ATP11C: variants seen among roughly 807,000 people sequenced by gnomAD.
ATP11C encodes the protein ATPase phospholipid transporting 11C (ATP11C blood group), also known as phospholipid-transporting ATPase IG.
A neutral mutation model predicts 97.4 loss-of-function variants in ATP11C; 36 were observed. The ratio of observed to expected loss-of-function variants is 0.37; its 90% CI spans 0.28 to 0.49. The LOEUF (loss-of-function observed/expected upper bound fraction) is 0.49, where lower values mean the gene tolerates loss of function less well. Ranked by LOEUF, ATP11C falls within the 20% of genes least tolerant of loss-of-function variation. ATP11C has a pLI of 0.98. For synonymous variants in ATP11C, 275 were observed against 290.9 expected (o/e 0.95, Z 0.56); for missense variants, 730 against 824.6 (o/e 0.89, Z 1.40).
intron 1 of ATP11C, among the ~76,000 whole-genome samples, chrX:139,931,227 C>T (rs1445523842): frequency 8.9e-6 from 1 of 112,239 alleles, no homozygotes; most frequent in Non-Finnish European, 1.9e-5. Context: ...TGGCTAACTC[C>T]CATGAAAATG....
intron 26 of ATP11C, among the ~76,000 whole-genome samples, chrX:139,742,215 C>T (rs1356749556): frequency 1.8e-5 from 2 of 111,155 alleles, no homozygotes; most frequent in African/African-American, 6.5e-5. Flanking sequence ...AAACCGAAAA[C>T]TAGCATATAT....
chrX:139,814,486 A>G (rs958255846), intron 5 of ATP11C, among the ~76,000 whole-genome samples: 1 of 112,299 alleles, frequency 8.9e-6, no homozygotes, highest in South Asian at 3.6e-4. Flanking sequence ...AACAACCCAA[A>G]TGTCCATCAG....
At chrX:139,798,158 A>C in intron 10 of ATP11C, 115 bp downstream of exon 10, 1 of 628,599 alleles carries the variant, frequency 1.6e-6, no homozygotes, top group Non-Finnish European at 2.5e-6. Flanking sequence ...AAGTGCTTAA[A>C]ATTGTAGTTG....
At chrX:139,866,831 C>T (rs778401492) in intron 1 of ATP11C, among the ~76,000 whole-genome samples, 1 of 111,642 alleles carries the variant, frequency 9.0e-6, no homozygotes, top group Non-Finnish European at 1.9e-5. Flanking sequence ...ACCTATAAAT[C>T]CAACACTTTG....
In ATP11C at chrX:139,904,846, G is replaced by T. The variant is rs761027149; in HGVS notation, c.27+27170C>A. Among the ~76,000 whole-genome samples, 4 of 111,944 alleles carry T rather than the reference G, an allele frequency of 3.6e-5. No homozygotes were observed. The Admixed American group carries it at 3.8e-4, about 11-fold the overall frequency. ...TAGGAGGGTAGATCCCTCAGAGAAG[G>T]CCAGAGATACTGTTGCAGGCAGGCA... On this transcript the variant is annotated intron_variant, in intron 1 of 29. Coordinates refer to ENST00000682941, the MANE Select transcript of ATP11C (RefSeq NM_001353812.2).
chrX:139,739,447 C>T (rs2072207749), intron 27 of ATP11C, among the ~76,000 whole-genome samples: 2 of 110,988 alleles, frequency 1.8e-5, no homozygotes, highest in South Asian at 7.6e-4. Context: ...CAGGGTAAAA[C>T]ATGTCTAGAG....
intron 1 of ATP11C, among the ~76,000 whole-genome samples, chrX:139,857,684 C>A (rs1199482637): frequency 9.0e-6 from 1 of 111,418 alleles, no homozygotes; most frequent in Non-Finnish European, 1.9e-5. Flanking sequence ...GAACCCCTTC[C>A]CCTCCCTTGT....
intron 28 of ATP11C, chrX:139,732,586 C>CAA (rs58514331): frequency 6.3e-4 from 75 of 119,391 alleles, no homozygotes; most frequent in Non-Finnish European, 8.7e-4. Context: ...ATGCAGAAAC[C>CAA]AAAAAAAAAA....
At chrX:139,801,501 A>C in intron 7 of ATP11C, among the ~76,000 whole-genome samples, 1 of 112,070 alleles carries the variant, frequency 8.9e-6, no homozygotes, top group East Asian at 2.8e-4. Flanking sequence ...CCACTTGGTC[A>C]CTCATTATGA....
intron 19 of ATP11C, among the ~76,000 whole-genome samples, chrX:139,771,853 A>C (rs1484744131): frequency 1.8e-5 from 2 of 112,219 alleles, no homozygotes; most frequent in African/African-American, 6.5e-5. Context: ...ACAGAGCATA[A>C]AGTTCAGAAA....
intron 17 of ATP11C, 39 bp from the exon 18 acceptor site, chrX:139,782,767 T>C: frequency 5.0e-6 from 5 of 993,320 alleles, no homozygotes; most frequent in Non-Finnish European, 6.8e-6. Flanking sequence ...ATTCTAATAA[T>C]AGTTGGAAAA....
At chrX:139,819,221 T>C in intron 3 of ATP11C, 117 bp downstream of exon 3, 1 of 306,917 alleles carries the variant, frequency 3.3e-6, no homozygotes, top group Admixed American at 5.9e-5. Flanking sequence ...GAAGTCATAA[T>C]AAGCTCTGGA....
intron 1 of ATP11C, among the ~76,000 whole-genome samples, chrX:139,927,109 T>C (rs1278574971): frequency 1.8e-5 from 2 of 112,127 alleles, no homozygotes; most frequent in Non-Finnish European, 3.8e-5. Context: ...CACAAATGTA[T>C]TCAATGCAAT....
At chrX:139,897,440 T>C (rs1341296075) in intron 1 of ATP11C, among the ~76,000 whole-genome samples, 1 of 110,413 alleles carries the variant, frequency 9.1e-6, no homozygotes, top group Non-Finnish European at 1.9e-5. Context: ...TCCCAGCACT[T>C]TGGGAAGCCG....
chrX:139,884,143 T>C (rs976933749), intron 1 of ATP11C, among the ~76,000 whole-genome samples: 9 of 111,657 alleles, frequency 8.1e-5, no homozygotes, highest in African/African-American at 2.6e-4. Flanking sequence ...CAGAAGGCTA[T>C]TGATTGGTAG....
At position 139,846,015 on chromosome X, in the gene ATP11C, T is replaced by C. The variant is rs1366364527; in HGVS notation, c.28-19192A>G. 3.6e-5 allele frequency among the ~76,000 whole-genome samples: 4 copies of C among 112,126 alleles called. No individual in the cohort carries two copies. The East Asian group carries it at 1.1e-3, about 31-fold the overall frequency. ...TGTCACATAAACTTCATTATGGATC[T>C]TCGGGTTTCACTATGATCATCCAAA... On this transcript the variant is annotated intron_variant, in intron 1 of 29. Transcript: ENST00000682941.
chrX:139,836,268 C>T (rs751150877), intron 1 of ATP11C, among the ~76,000 whole-genome samples: 1 of 110,707 alleles, frequency 9.0e-6, no homozygotes, highest in African/African-American at 3.3e-5. Context: ...GTAATCTCAG[C>T]ACTTTGGGAG....
In ATP11C at chrX:139,741,014, T is replaced by C; in HGVS notation, c.3111A>G (p.Ser1037=). ...ACCAAATAATTCCTCCCCAGAAGAA[T>C]GAGAAAAATACATAGAAGGCTAAAG... ...WGSLAFYVFF[S]FFWGGIIWPF... Residue 1037 remains serine, a synonymous_variant, in exon 27 of 30, where the codon TCA becomes TCG. Coordinates refer to ENST00000682941, the MANE Select transcript of ATP11C (RefSeq NM_001353812.2). 8.3e-7 allele frequency: 1 copy of C among 1,201,451 alleles called. No individual in the cohort carries two copies. Among genetic ancestry groups the C allele is most frequent in the Non-Finnish European group, 1.1e-6 (1 of 886,754 alleles).
chrX:139,753,871 TAGAA>T (rs1228401012), intron 23 of ATP11C, among the ~76,000 whole-genome samples: 3 of 109,606 alleles, frequency 2.7e-5, no homozygotes, highest in Non-Finnish European at 5.7e-5. Flanking sequence ...AGAAAGAAGT[TAGAA>T]AGAGGTCAAA....
Sources: gnomAD v4.1 joint callset for allele counts (sites outside exome capture counted in the v4.1 genomes callset) on GRCh38, gnomAD v4.1.1 for gene constraint, MANE v1.5 for transcripts, NCBI Gene and HGNC (gene_info 2026-07-23, HGNC 2026-07-21) for gene names.